EPHA3: variants seen among roughly 807,000 people sequenced by gnomAD.
The protein encoded by EPHA3 is ephrin type-A receptor 3.
In EPHA3, 42 loss-of-function variants were observed where a neutral mutation model predicts 107.1. That is an observed-to-expected ratio of 0.39 (90% CI 0.31 to 0.51). The LOEUF (loss-of-function observed/expected upper bound fraction) is 0.51, where lower values mean the gene tolerates loss of function less well. Among genes scored for constraint, EPHA3 ranks in the 20% least tolerant of loss-of-function variants. The pLI, the probability that EPHA3 is intolerant of heterozygous loss-of-function variation, is 0.78. For missense variants in EPHA3, 1,183 were observed against 1,211.2 expected, an observed-to-expected ratio of 0.98 and a Z score of 0.35; for synonymous variants, 461 against 424.8, an observed-to-expected ratio of 1.09 and a Z score of -1.05.
In EPHA3 at chr3:89,370,715, A is replaced by T. The variant is rs116656876; in HGVS notation, c.1307-25122A>T. 9.6e-3 allele frequency among the ~76,000 whole-genome samples: 1,454 copies of T among 151,868 alleles called. 7 individuals are homozygous for T. Among genetic ancestry groups the T allele is most frequent in the Non-Finnish European group, 0.015 (1,023 of 67,822 alleles). ...GTATATAGACAAAAAAATAAAATAA[A>T]ATAAAAAAAGAAGGAATGCAAACAA... On this transcript the variant is annotated intron_variant, in intron 5 of 16. Coordinates refer to ENST00000336596, the MANE Select transcript of EPHA3 (RefSeq NM_005233.6).
intron 2 of EPHA3, among the ~76,000 whole-genome samples, chr3:89,197,449 T>TAA (rs11414514): frequency 2.0e-5 from 3 of 150,660 alleles, no homozygotes; most frequent in South Asian, 2.1e-4. Flanking sequence ...AATAAAAACA[T>TAA]AAAAAAACTT....
chr3:89,197,867 TG>T (rs1705873824), intron 2 of EPHA3, among the ~76,000 whole-genome samples: 1 of 151,988 alleles, frequency 6.6e-6, no homozygotes, highest in African/African-American at 2.4e-5. Context: ...TCCCAGCTAC[TG>T]GGGAGGCTGA....
At chr3:89,440,550 G>T (rs1576379383) in intron 13 of EPHA3, among the ~76,000 whole-genome samples, 1 of 152,300 alleles carries the variant, frequency 6.6e-6, no homozygotes, top group South Asian at 2.1e-4. Flanking sequence ...CGCATGAGCT[G>T]ACTTCAGTTA....
intron 3 of EPHA3, among the ~76,000 whole-genome samples, chr3:89,259,479 G>A (rs1705365783): frequency 6.6e-6 from 1 of 152,190 alleles, no homozygotes; most frequent in African/African-American, 2.4e-5. Flanking sequence ...AACAAATCTT[G>A]AAATGTCTGC....
intron 2 of EPHA3, among the ~76,000 whole-genome samples, chr3:89,164,949 A>G (rs1705031429): frequency 6.6e-6 from 1 of 152,154 alleles, no homozygotes. Flanking sequence ...ACAAACAAAA[A>G]TCTTTCAATG....
rs564807901 is a variant in EPHA3 at position 89,278,136 on chromosome 3, G to T, written c.815-62780G>T. Among the ~76,000 whole-genome samples, 3 of 152,194 alleles carry T rather than the reference G, an allele frequency of 2.0e-5. No homozygotes were observed. In the East Asian group the frequency reaches 5.8e-4, roughly 29 times the overall value. On this transcript the variant is annotated intron_variant, in intron 3 of 16. Coordinates refer to ENST00000336596, the MANE Select transcript of EPHA3 (RefSeq NM_005233.6). The stretch of plus-strand genomic sequence containing the variant: ...ATAGAGTCAAAATACTTTTCTTTTG[G>T]AGAAGTTTTACCCCAAAGGCTAGTA...
At chr3:89,149,533 A>G (rs574999354) in intron 2 of EPHA3, among the ~76,000 whole-genome samples, 2 of 151,938 alleles carry the variant, frequency 1.3e-5, no homozygotes, top group African/African-American at 4.8e-5. Context: ...TGTGCACAAC[A>G]TGCAGGTTTG....
intron 2 of EPHA3, among the ~76,000 whole-genome samples, chr3:89,172,610 T>C (rs1199534795): frequency 6.6e-6 from 1 of 152,206 alleles, no homozygotes. Flanking sequence ...CATTGGAAGC[T>C]ATTAGAATAA....
intron 11 of EPHA3, among the ~76,000 whole-genome samples, chr3:89,423,817 A>G: frequency 6.6e-6 from 1 of 151,530 alleles, no homozygotes. Flanking sequence ...TTTCTCATTT[A>G]TATGTATAGG....
chr3:89,431,250 A>C lies in EPHA3; in HGVS notation c.2237A>C (p.Asp746Ala), dbSNP rs149696182. ...TCAGACATGGGCTATGTTCACCGAG[A>C]CCTCGCTGCTCGGAACATCTTGATC... ...YLSDMGYVHRDLAARNILINS... is the reference protein window; with the variant it reads ...YLSDMGYVHRALAARNILINS... The change falls in exon 13 of 17, where the codon GAC (aspartate) becomes GCC (alanine). Residue 746 changes from aspartate (D) to alanine (A), a missense_variant. Transcript: ENST00000336596. The C allele has an allele frequency of 6.2e-7, 1 of 1,613,700 alleles. No individual in the cohort carries two copies. Among genetic ancestry groups the C allele is most frequent in the Non-Finnish European group, 8.5e-7 (1 of 1,179,946 alleles).
chr3:89,352,736 T>G (rs1707856058), intron 5 of EPHA3, among the ~76,000 whole-genome samples: 1 of 150,010 alleles, frequency 6.7e-6, no homozygotes, highest in African/African-American at 2.4e-5. Flanking sequence ...AAACCCTGTC[T>G]CTACAAAAAT....
intron 16 of EPHA3, among the ~76,000 whole-genome samples, chr3:89,477,971 C>T (rs879869844): frequency 3.3e-5 from 5 of 151,814 alleles, no homozygotes; most frequent in Non-Finnish European, 5.9e-5. Context: ...GAAAAGAAAA[C>T]AGAAAGTGCA....
At chr3:89,187,299 A>G (rs1034463602) in intron 2 of EPHA3, among the ~76,000 whole-genome samples, 1 of 148,852 alleles carries the variant, frequency 6.7e-6, no homozygotes, top group African/African-American at 2.4e-5. Context: ...GAGTCTATAC[A>G]TTACCGATTT....
chr3:89,252,981 C>T (rs1705198404), intron 3 of EPHA3, among the ~76,000 whole-genome samples: 1 of 151,746 alleles, frequency 6.6e-6, no homozygotes, highest in Non-Finnish European at 1.5e-5. Context: ...ACTTGCTTTA[C>T]TTCTCTCTGC....
chr3:89,355,116 T>C (rs1462344523), intron 5 of EPHA3, among the ~76,000 whole-genome samples: 1 of 147,580 alleles, frequency 6.8e-6, no homozygotes, highest in South Asian at 2.1e-4. Flanking sequence ...TATAACAAAT[T>C]GACAAAAAAA....
At chr3:89,145,286 C>T (rs1333065886) in intron 2 of EPHA3, among the ~76,000 whole-genome samples, 1 of 151,412 alleles carries the variant, frequency 6.6e-6, no homozygotes, top group African/African-American at 2.4e-5. Context: ...AACAGACACA[C>T]ACACACACAC....
intron 16 of EPHA3, among the ~76,000 whole-genome samples, chr3:89,476,115 A>C (rs944664486): frequency 3.4e-5 from 5 of 147,628 alleles, no homozygotes; most frequent in African/African-American, 1.2e-4. Flanking sequence ...ATTTATATAA[A>C]TATATAAAAA....
chr3:89,335,551 C>T (rs957826981), intron 3 of EPHA3, among the ~76,000 whole-genome samples: 1 of 152,092 alleles, frequency 6.6e-6, no homozygotes, highest in African/African-American at 2.4e-5. Flanking sequence ...TGAACAAATA[C>T]AATTCGTAGC....
rs142259568 is a variant in EPHA3 at position 89,138,713 on chromosome 3, C to A, written c.153+11440C>A. Among the ~76,000 whole-genome samples, 119 of 151,774 alleles carry A rather than the reference C, an allele frequency of 7.8e-4. 1 individual carries two copies. In the East Asian group the frequency reaches 0.013, roughly 17 times the overall value. On this transcript the variant is annotated intron_variant, in intron 2 of 16. Transcript: ENST00000336596. ...ATAGGTTAATGGGACCTAGAATGAG[C>A]CTTTTATTCTTTGGTTATATATCTT... is the stretch of plus-strand genomic sequence containing the variant.
Sources: gnomAD v4.1 joint callset for allele counts (sites outside exome capture counted in the v4.1 genomes callset) on GRCh38, gnomAD v4.1.1 for gene constraint, MANE v1.5 for transcripts, NCBI Gene and HGNC (gene_info 2026-07-23, HGNC 2026-07-21) for gene names.